TRMT1L: variants seen among roughly 807,000 people sequenced by gnomAD.
The protein encoded by TRMT1L is tRNA methyltransferase 1L.
TRMT1L carries 28 observed loss-of-function variants against 81.6 expected under a neutral mutation model. The observed-to-expected ratio is 0.34, with a 90% CI of 0.25 to 0.47. The LOEUF is 0.47. TRMT1L is among the 20% of genes least tolerant of loss of function. The pLI, the probability that TRMT1L is intolerant of heterozygous loss-of-function variation, is 1.00. For missense variants in TRMT1L, 739 were observed against 877.1 expected, an observed-to-expected ratio of 0.84 and a Z score of 1.99; for synonymous variants, 301 against 303.2, an observed-to-expected ratio of 0.99 and a Z score of 0.07.
chr1:185,135,144 G>A (rs1389741975), intron 10 of TRMT1L, among the ~76,000 whole-genome samples: 1 of 152,134 alleles, frequency 6.6e-6, no homozygotes, highest in Non-Finnish European at 1.5e-5. Context: ...GGCCGGGTGT[G>A]GTGGCTCACG....
chr1:185,156,497 G>T lies in TRMT1L; in HGVS notation c.216C>A (p.Ala72=). ...APALSPSLAS[A]PEEAKSKRHI... ...ACTTACTGCTTTTAGCCTCCTCAGG[G>T]GCAGAGGCTAGGGACGGGGACAGGG... Residue 72 remains alanine (A), a synonymous_variant, in exon 1 of 15, where the codon GCC becomes GCA. Coordinates refer to ENST00000367506, the MANE Select transcript of TRMT1L (RefSeq NM_030934.5). 2 of 1,613,946 alleles carry T rather than the reference G, an allele frequency of 1.2e-6. No individual in the cohort carries two copies. The highest frequency in any genetic ancestry group is 8.5e-7 in the Non-Finnish European group (1 of 1,179,916).
chr1:185,153,018 A>C (rs1653405284), intron 1 of TRMT1L, among the ~76,000 whole-genome samples: 1 of 152,202 alleles, frequency 6.6e-6, no homozygotes, highest in African/African-American at 2.4e-5. Context: ...GAAAAATAAG[A>C]GAAAAAGCCA....
intron 3 of TRMT1L, among the ~76,000 whole-genome samples, chr1:185,147,951 T>G (rs1042684597): frequency 4.6e-5 from 7 of 152,212 alleles, no homozygotes; most frequent in Non-Finnish European, 1.0e-4. Flanking sequence ...GTAATTTATC[T>G]TACATTAGGT....
chr1:185,152,039 T>TA, intron 1 of TRMT1L, 104 bp from the exon 2 acceptor site: 2 of 550,886 alleles, frequency 3.6e-6, no homozygotes, highest in Non-Finnish European at 6.0e-6. Context: ...CACAGTGTTA[T>TA]GGACCTAGAT....
Position 185,120,428 on chromosome 1 carries a change from TA to T in TRMT1L, c.1903del (p.Tyr635IlefsTer12). 6.2e-7 allele frequency: 1 copy of T among 1,602,904 alleles called. No individual in the cohort carries two copies. Among genetic ancestry groups the T allele is most frequent in the Admixed American group, 1.7e-5 (1 of 58,066 alleles). On this transcript the variant is annotated frameshift_variant, in exon 14 of 15. Transcript: ENST00000367506. LOFTEE classifies it high-confidence loss of function. ...AATGCTGTGTCTGTGAATGTTGTAA[TA>T]AAAGGGAGGATGTTCAGTACTGACA... ...TDVSTEHPPF[Y>X]YNIHRHSIKG...
At chr1:185,142,010 TGA>T (rs1286029734) in intron 7 of TRMT1L, among the ~76,000 whole-genome samples, 1 of 152,106 alleles carries the variant, frequency 6.6e-6, no homozygotes, top group African/African-American at 2.4e-5. Context: ...ATGGAAAATG[TGA>T]GTTATATTAG....
At chr1:185,133,538 T>C (rs1652824098) in intron 10 of TRMT1L, among the ~76,000 whole-genome samples, 1 of 151,960 alleles carries the variant, frequency 6.6e-6, no homozygotes, top group South Asian at 2.1e-4. Context: ...GAGATTAGGT[T>C]ACAAAAGACC....
upstream of TRMT1L, chr1:185,157,259 G>T (rs1653660768): frequency 6.5e-6 from 1 of 153,144 alleles, no homozygotes; most frequent in African/African-American, 2.4e-5. Context: ...GGAGGCGGGG[G>T]TCCCTCTCCT....
At chr1:185,148,256 T>C (rs1293359981) in intron 3 of TRMT1L, among the ~76,000 whole-genome samples, 2 of 152,152 alleles carry the variant, frequency 1.3e-5, no homozygotes, top group Non-Finnish European at 2.9e-5. Context: ...TATGGGCTAC[T>C]TGACATCTCC....
Position 185,129,335 on chromosome 1 carries a change from T to C in TRMT1L, c.1514-588A>G, listed in dbSNP as rs76675280. Among the ~76,000 whole-genome samples, 832 of 152,358 alleles carry C rather than the reference T, an allele frequency of 5.5e-3. 32 individuals are homozygous for C. The East Asian group carries it at 0.085, about 15-fold the overall frequency. On this transcript the variant is annotated intron_variant, in intron 10 of 14. Coordinates refer to ENST00000367506, the MANE Select transcript of TRMT1L (RefSeq NM_030934.5). ...CTTCCGCAGTTGGAAAGAAAATTCCTTATGCTTGATTCATATTCAGCCTTC... is the reference window on the plus strand; with the variant it reads ...CTTCCGCAGTTGGAAAGAAAATTCCCTATGCTTGATTCATATTCAGCCTTC...
chr1:185,151,582 G>T (rs1490913650), intron 2 of TRMT1L, among the ~76,000 whole-genome samples: 1 of 152,052 alleles, frequency 6.6e-6, no homozygotes, highest in African/African-American at 2.4e-5. Flanking sequence ...CTAACTTGCC[G>T]AATAGACAGC....
chr1:185,143,200 ACTCT>A (rs1004876485), intron 7 of TRMT1L, among the ~76,000 whole-genome samples, 153 bp downstream of exon 7: 2 of 152,118 alleles, frequency 1.3e-5, no homozygotes, highest in African/African-American at 4.8e-5. Context: ...CACTTATTAT[ACTCT>A]AATATACATT....
At chr1:185,126,764 G>C (rs772181344) in intron 11 of TRMT1L, among the ~76,000 whole-genome samples, 1 of 152,134 alleles carries the variant, frequency 6.6e-6, no homozygotes, top group Non-Finnish European at 1.5e-5. Flanking sequence ...CCAGCACTTC[G>C]GGAGGCCGAG....
At chr1:185,152,098 A>G (rs889593069) in intron 1 of TRMT1L, among the ~76,000 whole-genome samples, 163 bp from the exon 2 acceptor site, 3 of 152,254 alleles carry the variant, frequency 2.0e-5, no homozygotes, top group African/African-American at 7.2e-5. Flanking sequence ...TGTGCTTTAG[A>G]ATGAAAAGTT....
At chr1:185,156,133 A>G (rs1653541524) in intron 1 of TRMT1L, among the ~76,000 whole-genome samples, 1 of 152,230 alleles carries the variant, frequency 6.6e-6, no homozygotes, top group South Asian at 2.1e-4. Context: ...TAACCATGGC[A>G]GACTGGACTG....
At chr1:185,130,003 G>A (rs1365019620) in intron 10 of TRMT1L, among the ~76,000 whole-genome samples, 1 of 152,144 alleles carries the variant, frequency 6.6e-6, no homozygotes, top group Non-Finnish European at 1.5e-5. Flanking sequence ...ACTTACCACA[G>A]GCAGAGAGCA....
In TRMT1L at chr1:185,137,220, T is replaced by C. The variant is rs1380367908; in HGVS notation, c.1513+386A>G. On this transcript the variant is annotated intron_variant, in intron 10 of 14. Transcript: ENST00000367506. ...ATAGTAGAGGCTCAATAAATGTTTATTGAATGCATTTTATAACTGATGGCT... is the reference window on the plus strand; with the variant it reads ...ATAGTAGAGGCTCAATAAATGTTTACTGAATGCATTTTATAACTGATGGCT... Among the ~76,000 whole-genome samples the C allele has an allele frequency of 2.6e-5, 4 of 152,200 alleles. No individual in the cohort carries two copies. In the East Asian group the frequency reaches 5.8e-4, roughly 22 times the overall value.
chr1:185,133,332 G>C (rs796359063), intron 10 of TRMT1L, among the ~76,000 whole-genome samples: 3 of 152,038 alleles, frequency 2.0e-5, no homozygotes, highest in African/African-American at 7.2e-5. Context: ...TAAAGTGCTG[G>C]GATTACTGGT....
At chr1:185,154,055 G>C (rs1385372999) in intron 1 of TRMT1L, among the ~76,000 whole-genome samples, 2 of 152,168 alleles carry the variant, frequency 1.3e-5, no homozygotes, top group Non-Finnish European at 2.9e-5. Context: ...CAGATAGGAG[G>C]CACTAAAGTT....
Sources: allele counts gnomAD v4.1 joint callset (sites outside exome capture counted in the v4.1 genomes callset), GRCh38; gene constraint gnomAD v4.1.1; transcripts MANE v1.5; gene names NCBI Gene and HGNC (gene_info 2026-07-23, HGNC 2026-07-21).